The following MIR2052HG variants were observed in gnomAD, a reference collection of about 807,000 sequenced individuals.
The protein encoded by MIR2052HG is MIR2052 host gene.
intron 2 of MIR2052HG, among the ~76,000 whole-genome samples, chr8:74,666,199 T>C (rs1391623151): frequency 6.6e-6 from 1 of 152,080 alleles, no homozygotes; most frequent in East Asian, 1.9e-4. Context: ...CCAGTATCCC[T>C]GGTTACCTCT....
intron 2 of MIR2052HG, among the ~76,000 whole-genome samples, chr8:74,684,859 A>G (rs369174810): frequency 5.3e-5 from 8 of 152,264 alleles, no homozygotes; most frequent in African/African-American, 1.9e-4. Context: ...TATGCTGACA[A>G]TGGATTGGAG....
chr8:74,744,533 A>T (rs1326778141), intron 4 of MIR2052HG, among the ~76,000 whole-genome samples: 9 of 149,374 alleles, frequency 6.0e-5, no homozygotes, highest in African/African-American at 2.2e-4. Context: ...TGTCCATGTG[A>T]TCTCATTGTT....
intron 4 of MIR2052HG, among the ~76,000 whole-genome samples, chr8:74,743,556 T>C (rs531750115): frequency 1.5e-4 from 23 of 152,292 alleles, no homozygotes; most frequent in Admixed American, 9.2e-4. Context: ...CCAGACCTCA[T>C]AGCTTGGAAG....
intron 2 of MIR2052HG, among the ~76,000 whole-genome samples, chr8:74,647,261 A>G (rs1465245170): frequency 2.6e-5 from 4 of 152,198 alleles, no homozygotes; most frequent in Non-Finnish European, 5.9e-5. Context: ...AAGAGGACAG[A>G]AACACCCAGG....
intron 5 of MIR2052HG, among the ~76,000 whole-genome samples, chr8:74,753,780 TCTC>T (rs1237795445): frequency 6.6e-6 from 1 of 152,170 alleles, no homozygotes; most frequent in Non-Finnish European, 1.5e-5. Context: ...TTATTCATAA[TCTC>T]CTTGCAATTT....
At chr8:74,665,798 G>A (rs539703818) in intron 2 of MIR2052HG, among the ~76,000 whole-genome samples, 12 of 152,258 alleles carry the variant, frequency 7.9e-5, no homozygotes, top group Non-Finnish European at 1.5e-4. Context: ...GTCCTTGGAG[G>A]TAATTGAATC....
At chr8:74,672,103 T>C (rs1245359895) in intron 2 of MIR2052HG, among the ~76,000 whole-genome samples, 2 of 152,108 alleles carry the variant, frequency 1.3e-5, no homozygotes, top group African/African-American at 4.8e-5. Context: ...CCAGTAAAGA[T>C]TAGTGCTTTA....
chr8:74,710,868 G>C (rs1379321433), intron 4 of MIR2052HG, among the ~76,000 whole-genome samples: 1 of 152,118 alleles, frequency 6.6e-6, no homozygotes, highest in Non-Finnish European at 1.5e-5. Context: ...AATAATATCA[G>C]ACAGTTAGAT....
intron 2 of MIR2052HG, among the ~76,000 whole-genome samples, chr8:74,660,148 A>C (rs796924771): frequency 2.0e-4 from 30 of 152,300 alleles, no homozygotes; most frequent in African/African-American, 7.0e-4. Flanking sequence ...TTTTTCATGA[A>C]GTTTTGCTCA....
chr8:74,722,196 A>G (rs1809584838), intron 4 of MIR2052HG, among the ~76,000 whole-genome samples: 1 of 152,156 alleles, frequency 6.6e-6, no homozygotes, highest in Admixed American at 6.5e-5. Context: ...CCCCCTCAAA[A>G]AAATCAAGGC....
intron 2 of MIR2052HG, chr8:74,628,963 G>T (rs1481933275): frequency 6.6e-6 from 1 of 152,080 alleles, no homozygotes; most frequent in East Asian, 1.9e-4. Context: ...TCTGATGGGA[G>T]AGAGCATTTT....
intron 2 of MIR2052HG, among the ~76,000 whole-genome samples, chr8:74,677,454 T>G (rs1271772740): frequency 1.3e-5 from 2 of 152,094 alleles, no homozygotes; most frequent in Admixed American, 6.5e-5. Context: ...ACTCTCAAAC[T>G]TCCAGAAACT....
At chr8:74,727,855 A>C (rs1436804928) in intron 4 of MIR2052HG, among the ~76,000 whole-genome samples, 1 of 150,754 alleles carries the variant, frequency 6.6e-6, no homozygotes. Context: ...ATGTGGTTTT[A>C]TTAAGGACTT....
At chr8:74,602,869 C>CTTTCT (rs1808038113) in intron 1 of MIR2052HG, among the ~76,000 whole-genome samples, 1 of 147,484 alleles carries the variant, frequency 6.8e-6, no homozygotes, top group Admixed American at 6.9e-5. Context: ...TTCTTTCTTT[C>CTTTCT]TTTCTTTTTT....
At chr8:74,692,965 A>G (rs1809254763) in intron 2 of MIR2052HG, among the ~76,000 whole-genome samples, 1 of 152,326 alleles carries the variant, frequency 6.6e-6, no homozygotes, top group South Asian at 2.1e-4. Flanking sequence ...ATTAAAATAT[A>G]TCTTGGAAGC....
At chr8:74,683,950 A>G (rs1809152481) in intron 2 of MIR2052HG, among the ~76,000 whole-genome samples, 1 of 151,976 alleles carries the variant, frequency 6.6e-6, no homozygotes, top group Non-Finnish European at 1.5e-5. Context: ...CTTCTAAACT[A>G]GCACCTCCCA....
chr8:74,703,119 C>T (rs1043420337), intron 3 of MIR2052HG, among the ~76,000 whole-genome samples: 6 of 151,904 alleles, frequency 3.9e-5, no homozygotes, highest in Admixed American at 3.3e-4. Context: ...AAAAAGTGGA[C>T]GTGGCTACTA....
intron 4 of MIR2052HG, among the ~76,000 whole-genome samples, chr8:74,736,028 T>A (rs1809741381): frequency 6.6e-6 from 1 of 152,220 alleles, no homozygotes; most frequent in Non-Finnish European, 1.5e-5. Context: ...AAGTATCCTC[T>A]ACTTCTGTGC....
chr8:74,648,526 C>T (rs534205326), intron 2 of MIR2052HG, among the ~76,000 whole-genome samples: 52 of 152,220 alleles, frequency 3.4e-4, no homozygotes, highest in East Asian at 1.2e-3. Context: ...ACTCCCTGTT[C>T]GTACACCCAC....
Sources: gnomAD v4.1 joint callset for allele counts (sites outside exome capture counted in the v4.1 genomes callset) on GRCh38, gnomAD v4.1.1 for gene constraint, MANE v1.5 for transcripts, NCBI Gene and HGNC (gene_info 2026-07-23, HGNC 2026-07-21) for gene names.